FTO: variants seen among roughly 807,000 people sequenced by gnomAD.
FTO encodes FTO alpha-ketoglutarate dependent dioxygenase, also known as alpha-ketoglutarate-dependent dioxygenase FTO.
FTO carries 47 observed loss-of-function variants against 63.9 expected under a neutral mutation model. The ratio of observed to expected loss-of-function variants is 0.74; its 90% CI spans 0.58 to 0.94. The LOEUF (loss-of-function observed/expected upper bound fraction) is 0.94. Among genes scored for constraint, FTO ranks in the 40% least tolerant of loss-of-function variants. FTO has a pLI of 0.00. For synonymous variants in FTO, 207 were observed against 224.4 expected, an observed-to-expected ratio of 0.92 and a Z score of 0.69; for missense variants, 562 against 618.1, an observed-to-expected ratio of 0.91 and a Z score of 0.96.
chr16:53,905,864 C>G (rs1300327197), intron 7 of FTO, among the ~76,000 whole-genome samples: 1 of 152,028 alleles, frequency 6.6e-6, no homozygotes, highest in Non-Finnish European at 1.5e-5. Context: ...CTGAGGTGCA[C>G]CCTTTTATGC....
In FTO at chr16:54,117,816, G is replaced by T. The variant is rs2086983230; in HGVS notation, c.*5901G>T. 6.6e-6 allele frequency: 1 copy of T among 152,192 alleles called. No individual in the cohort carries two copies. Among genetic ancestry groups the T allele is most frequent in the Admixed American group, 6.5e-5 (1 of 15,282 alleles). 9.4% of individuals were successfully genotyped at this position (152,192 alleles called of 1,614,324 possible). Reference sequence around the variant, plus strand: ...AATGGATGATCTGTGTACAACAATTGTTTATTGACTCTGAATGTCTAAGTA... The same window carrying T: ...AATGGATGATCTGTGTACAACAATTTTTTATTGACTCTGAATGTCTAAGTA... On this transcript the variant is annotated 3_prime_UTR_variant, in exon 9 of 9. Coordinates refer to ENST00000471389, the MANE Select transcript of FTO (RefSeq NM_001080432.3).
At chr16:53,819,700 T>G (rs1458146255) in intron 2 of FTO, among the ~76,000 whole-genome samples, 1 of 152,180 alleles carries the variant, frequency 6.6e-6, no homozygotes, top group East Asian at 1.9e-4. Flanking sequence ...TTCAAAAAGT[T>G]TATTGATTAA....
At chr16:53,940,621 A>G (rs951932316) in intron 8 of FTO, among the ~76,000 whole-genome samples, 1 of 152,204 alleles carries the variant, frequency 6.6e-6, no homozygotes, top group East Asian at 1.9e-4. Flanking sequence ...AGGCTCAAAC[A>G]GGAGTTACTG....
At chr16:53,853,257 A>G (rs2079868457) in intron 4 of FTO, among the ~76,000 whole-genome samples, 1 of 152,128 alleles carries the variant, frequency 6.6e-6, no homozygotes, top group South Asian at 2.1e-4. Flanking sequence ...GTGAGCCAAG[A>G]TCGCACCATT....
At chr16:53,789,804 G>GTATACA (rs1312223965) in intron 1 of FTO, among the ~76,000 whole-genome samples, 1 of 148,360 alleles carries the variant, frequency 6.7e-6, no homozygotes, top group African/African-American at 2.5e-5. Flanking sequence ...ATGTATACAT[G>GTATACA]TGTACATGTA....
chr16:54,053,095 C>A (rs1331377308), intron 8 of FTO, among the ~76,000 whole-genome samples: 1 of 152,224 alleles, frequency 6.6e-6, no homozygotes, highest in Non-Finnish European at 1.5e-5. Flanking sequence ...GTATATTTTG[C>A]TGTAGCAGAT....
intron 7 of FTO, among the ~76,000 whole-genome samples, chr16:53,914,751 A>C (rs146913912): frequency 1.3e-5 from 2 of 152,334 alleles, no homozygotes; most frequent in African/African-American, 4.8e-5. Flanking sequence ...GCATCCTTAG[A>C]GGTCAGACAG....
chr16:53,776,610 A>C (rs966073691), intron 1 of FTO, among the ~76,000 whole-genome samples: 1 of 152,178 alleles, frequency 6.6e-6, no homozygotes, highest in African/African-American at 2.4e-5. Context: ...TTATTGATTT[A>C]AAAATAGCAA....
At chr16:54,106,069 C>A (rs1207497856) in intron 8 of FTO, among the ~76,000 whole-genome samples, 1 of 152,082 alleles carries the variant, frequency 6.6e-6, no homozygotes, top group Non-Finnish European at 1.5e-5. Context: ...AGAAATTTAT[C>A]CTTTGACTTT....
At position 54,118,105 on chromosome 16, in the gene FTO, A is replaced by G. The variant is rs1307460801; in HGVS notation, c.*6190A>G. ...AAAGCCACTGACTAAACATGGCACCAATACAAATGAAGCACTTCTAGCAGG... is the reference window on the plus strand; with the variant it reads ...AAAGCCACTGACTAAACATGGCACCGATACAAATGAAGCACTTCTAGCAGG... On this transcript the variant is annotated 3_prime_UTR_variant, in exon 9 of 9. Transcript: ENST00000471389. 6.6e-6 allele frequency: 1 copy of G among 152,230 alleles called. No individual in the cohort carries two copies. The highest frequency in any genetic ancestry group is 1.5e-5 in the Non-Finnish European group (1 of 68,050). 9.4% of individuals were successfully genotyped at this position (152,230 alleles called of 1,614,324 possible).
intron 1 of FTO, among the ~76,000 whole-genome samples, chr16:53,739,371 G>GTTT (rs57891950): frequency 2.9e-5 from 4 of 137,224 alleles, no homozygotes; most frequent in African/African-American, 8.0e-5. Flanking sequence ...ACACCTGGCT[G>GTTT]TTTTTTTTTT....
At chr16:54,055,393 G>A (rs1210560241) in intron 8 of FTO, among the ~76,000 whole-genome samples, 1 of 152,210 alleles carries the variant, frequency 6.6e-6, no homozygotes, top group Non-Finnish European at 1.5e-5. Flanking sequence ...ACAAGACCTT[G>A]ATCCAGATAC....
Position 53,718,761 on chromosome 16 carries a change from A to G in FTO, c.45+14532A>G, listed in dbSNP as rs562174604. ...TACTTCTACTGATAAAATGTAATTT[A>G]TTAGACTTTCTAATAATGGTTCCTT... On this transcript the variant is annotated intron_variant, in intron 1 of 8. Coordinates refer to ENST00000471389, the MANE Select transcript of FTO (RefSeq NM_001080432.3). Among the ~76,000 whole-genome samples the G allele has an allele frequency of 8.5e-5, 13 of 152,286 alleles. No individual in the cohort carries two copies. In the South Asian group the frequency reaches 2.5e-3, roughly 29 times the overall value.
At chr16:53,779,888 A>G (rs887266955) in intron 1 of FTO, among the ~76,000 whole-genome samples, 1 of 152,124 alleles carries the variant, frequency 6.6e-6, no homozygotes, top group African/African-American at 2.4e-5. Context: ...CTGAACCTGT[A>G]CAATTTTCTC....
At chr16:54,025,618 G>A (rs554133119) in intron 8 of FTO, among the ~76,000 whole-genome samples, 2 of 152,122 alleles carry the variant, frequency 1.3e-5, no homozygotes, top group Non-Finnish European at 2.9e-5. Context: ...AGCTACTTGG[G>A]AGGCTGAGGT....
intron 4 of FTO, among the ~76,000 whole-genome samples, chr16:53,869,886 A>G (rs2080446010): frequency 6.6e-6 from 1 of 151,960 alleles, no homozygotes; most frequent in Non-Finnish European, 1.5e-5. Context: ...AGTTTTTTCA[A>G]ATTGTGTTTT....
chr16:53,840,348 CATTA>C (rs1338013452), intron 3 of FTO, among the ~76,000 whole-genome samples: 4 of 152,070 alleles, frequency 2.6e-5, no homozygotes, highest in Admixed American at 6.5e-5. Flanking sequence ...ATTAATTTAG[CATTA>C]ATTATTATAC....
chr16:53,738,504 A>G (rs1381202706), intron 1 of FTO, among the ~76,000 whole-genome samples: 7 of 152,160 alleles, frequency 4.6e-5, no homozygotes, highest in Admixed American at 4.6e-4. Flanking sequence ...GTTGATGGAC[A>G]TTGGGTTGTT....
chr16:53,710,347 C>A (rs528081131), intron 1 of FTO, among the ~76,000 whole-genome samples: 2 of 150,384 alleles, frequency 1.3e-5, no homozygotes, highest in Non-Finnish European at 3.0e-5. Context: ...CTCACTGCAA[C>A]CTCCACCTCC....
Sources: gnomAD v4.1 joint callset for allele counts (sites outside exome capture counted in the v4.1 genomes callset) on GRCh38, gnomAD v4.1.1 for gene constraint, MANE v1.5 for transcripts, NCBI Gene and HGNC (gene_info 2026-07-23, HGNC 2026-07-21) for gene names.